The following FYCO1 variants were observed in gnomAD, a reference collection of about 807,000 sequenced individuals.
The protein encoded by FYCO1 is FYVE and coiled-coil domain autophagy adaptor 1.
Under a neutral mutation model 165.1 loss-of-function variants are expected in FYCO1, and 122 were observed. The ratio of observed to expected loss-of-function variants is 0.74; its 90% CI spans 0.64 to 0.86. The LOEUF (loss-of-function observed/expected upper bound fraction) is 0.86. Ranked by LOEUF, FYCO1 falls within the 40% of genes least tolerant of loss-of-function variation. The probability of loss-of-function intolerance (pLI) is 0.00; values close to 1 mark genes in which losing one functional copy is unlikely to be tolerated. For synonymous variants in FYCO1, 648 were observed against 742.5 expected (o/e 0.87, Z 2.07); for missense variants, 1,702 against 1,810.3 (o/e 0.94, Z 1.09).
intron 6 of FYCO1, among the ~76,000 whole-genome samples, chr3:45,972,555 G>A (rs1448014520): frequency 1.3e-5 from 2 of 152,222 alleles, no homozygotes; most frequent in Non-Finnish European, 2.9e-5. Flanking sequence ...CTCTGAGCCT[G>A]TTCCTCACAC....
rs1408087654 is a variant in FYCO1 at position 45,968,548 on chromosome 3, C to T, written c.786G>A (p.Glu262=). 6.2e-7 allele frequency: 1 copy of T among 1,614,024 alleles called. No homozygotes were observed. The change falls in exon 8 of 18, where the codon GAG becomes GAA. Residue 262 remains glutamate, a synonymous_variant. Coordinates refer to ENST00000296137, the MANE Select transcript of FYCO1 (RefSeq NM_024513.4). The stretch of plus-strand genomic sequence containing the variant: ...CTTGCTGGCTGACAGCTGCCCTCAG[C>T]TCCTGGTTCTCTCTGTCCAGCTGCT... ...RMQQLDRENQ[E]LRAAVSQQGE...
rs1231052319 is a variant in FYCO1, at chr3:45,965,071, G to A, written c.3112C>T (p.Gln1038Ter). 6.2e-7 allele frequency: 1 copy of A among 1,614,150 alleles called. No homozygotes were observed. The highest frequency in any genetic ancestry group is 8.5e-7 in the Non-Finnish European group (1 of 1,180,008). Residue 1038 changes from glutamine to a stop codon, truncating the protein, a stop_gained, in exon 9 of 18, where the codon CAG becomes TAG. Coordinates refer to ENST00000296137, the MANE Select transcript of FYCO1 (RefSeq NM_024513.4). LOFTEE classifies it high-confidence loss of function. ...ACAGCTTCCTCAGCAGCCTGCAGCT[G>A]CCGGCCTTGCTCCTCAAGCTGGCCC... is the stretch of plus-strand genomic sequence containing the variant. The part of the protein sequence containing the change: ...LRGQLEEQGR[Q>*]LQAAEEAVEK...
intron 14 of FYCO1, among the ~76,000 whole-genome samples, chr3:45,953,141 G>A (rs1323153552): frequency 6.6e-6 from 1 of 152,164 alleles, no homozygotes; most frequent in African/African-American, 2.4e-5. Context: ...ATACATGTAA[G>A]CCCGAAGTCC....
intron 5 of FYCO1, 28 bp downstream of exon 5, chr3:45,975,211 C>G: frequency 2.7e-6 from 4 of 1,491,162 alleles, no homozygotes; most frequent in South Asian, 1.1e-5. Context: ...CGGGATGATC[C>G]CAAACCCCAG....
chr3:45,945,140 C>T (rs1704503120), intron 14 of FYCO1: 1 of 152,220 alleles, frequency 6.6e-6, no homozygotes, highest in South Asian at 2.1e-4. Flanking sequence ...CCAGTCAGGA[C>T]TCAAAGTCAG....
At chr3:45,990,935 G>A (rs1177153044) in intron 1 of FYCO1, among the ~76,000 whole-genome samples, 1 of 151,996 alleles carries the variant, frequency 6.6e-6, no homozygotes, top group Non-Finnish European at 1.5e-5. Context: ...ACCACGACTG[G>A]CAATTTTTTT....
intron 11 of FYCO1, among the ~76,000 whole-genome samples, chr3:45,959,854 C>G (rs1364035844): frequency 6.6e-6 from 1 of 152,168 alleles, no homozygotes; most frequent in Non-Finnish European, 1.5e-5. Flanking sequence ...GCTGGGGGAC[C>G]ACTGGGAGTT....
chr3:45,955,189 G>C, intron 14 of FYCO1, 60 bp downstream of exon 14: 1 of 1,585,870 alleles, frequency 6.3e-7, no homozygotes, highest in Non-Finnish European at 8.6e-7. Context: ...CCTTTGATAA[G>C]AAAGCACAGG....
chr3:45,991,440 C>T (rs960555949), intron 1 of FYCO1, among the ~76,000 whole-genome samples: 8 of 152,086 alleles, frequency 5.3e-5, no homozygotes, highest in African/African-American at 1.9e-4. Context: ...AGGGATAGGC[C>T]CATCTTCTTG....
rs1369840149 is a variant in FYCO1 at position 45,921,830 on chromosome 3, T to C, written c.4372A>G (p.Lys1458Glu). 1.2e-6 allele frequency: 2 copies of C among 1,610,634 alleles called. No individual in the cohort carries two copies. Among genetic ancestry groups the C allele is most frequent in the East Asian group, 2.2e-5 (1 of 44,866 alleles). The change falls in exon 18 of 18, where the codon AAA (lysine) becomes GAA (glutamate). Residue 1458 changes from lysine to glutamate, a missense_variant. Physicochemically the swap from Lys to Glu is moderately conservative, Grantham distance 56. Transcript: ENST00000296137. The part of the protein sequence containing the change: ...FDNTFSRFVS[K>E]KVFYHLTVDR... The stretch of plus-strand genomic sequence containing the variant: ...ACCGTCAAGTGATAAAATACCTTTT[T>C]AGAGACAAACCTGAGGAAACAGAAA...
Position 45,975,333 on chromosome 3 carries a change from A to G in FYCO1, c.301T>C (p.Leu101=), listed in dbSNP as rs757382804. The change falls in exon 5 of 18, where the codon TTG becomes CTG. Residue 101 remains leucine (L), a synonymous_variant. Coordinates refer to ENST00000296137, the MANE Select transcript of FYCO1 (RefSeq NM_024513.4). ...VKSISELRTS[L]GKGRAFIRYS... ...CGAATAAATGCTCTTCCTTTCCCCA[A>G]GGATGTTCGGAGCTGGAAAAAGCAG... 5.0e-6 allele frequency: 8 copies of G among 1,613,928 alleles called. No individual in the cohort carries two copies. Among genetic ancestry groups the G allele is most frequent in the African/African-American group, 1.3e-5 (1 of 75,036 alleles).
Position 45,919,297 on chromosome 3 carries a change from T to C in FYCO1, c.*2468A>G, listed in dbSNP as rs972929668. On this transcript the variant is annotated 3_prime_UTR_variant, in exon 18 of 18. Transcript: ENST00000296137. The stretch of plus-strand genomic sequence containing the variant: ...CCACTCTTAAATATGCCAAGATGTT[T>C]TGTAGCTGCAGAGAGCACAGCAAAC... 3 of 152,228 alleles carry C rather than the reference T, an allele frequency of 2.0e-5. No individual in the cohort carries two copies. The highest frequency in any genetic ancestry group is 7.2e-5 in the African/African-American group (3 of 41,444). The allele number at this position is 152,228 out of a possible 1,614,324, so 9.4% of individuals were successfully genotyped here.
At chr3:45,938,016 A>G (rs546192623) in intron 14 of FYCO1, among the ~76,000 whole-genome samples, 11 of 152,346 alleles carry the variant, frequency 7.2e-5, no homozygotes, top group Non-Finnish European at 1.3e-4. Context: ...TCCTTGTCCA[A>G]GGCGTAAATA....
intron 4 of FYCO1, among the ~76,000 whole-genome samples, chr3:45,979,494 G>A (rs1442933092): frequency 6.6e-6 from 1 of 152,210 alleles, no homozygotes; most frequent in Non-Finnish European, 1.5e-5. Context: ...TCAGGACTCA[G>A]CATTCTTCCC....
chr3:45,943,225 C>T (rs1234063326), intron 14 of FYCO1, among the ~76,000 whole-genome samples: 1 of 152,164 alleles, frequency 6.6e-6, no homozygotes, highest in Non-Finnish European at 1.5e-5. Flanking sequence ...CAGAGCCAAA[C>T]CTCCTTATTG....
intron 16 of FYCO1, among the ~76,000 whole-genome samples, chr3:45,925,366 G>A (rs778889032): frequency 1.3e-5 from 2 of 152,082 alleles, no homozygotes; most frequent in African/African-American, 2.4e-5. Flanking sequence ...AACGGAAGCA[G>A]CATCTTAGCA....
Position 45,965,216 on chromosome 3 carries a change from C to T in FYCO1, c.3058-91G>A. On this transcript the variant is annotated intron_variant, in intron 8 of 17. Transcript: ENST00000296137. ...CCTCACCCAAACAGATAAAACCAAGCTAACTTTCTCTTTTTCCCTGCAAAC... is the reference window on the plus strand; with the variant it reads ...CCTCACCCAAACAGATAAAACCAAGTTAACTTTCTCTTTTTCCCTGCAAAC... The T allele has an allele frequency of 5.2e-6, 5 of 960,952 alleles. No homozygotes were observed. In the South Asian group the frequency reaches 6.8e-5, roughly 13 times the overall value. The allele number at this position is 960,952 out of a possible 1,614,324, so 59.5% of individuals were successfully genotyped here. A position where few individuals can be genotyped will look rare whatever the true frequency, so the allele number is the denominator to read the frequency against.
At chr3:45,956,176 A>G (rs1705304741) in intron 13 of FYCO1, among the ~76,000 whole-genome samples, 1 of 152,004 alleles carries the variant, frequency 6.6e-6, no homozygotes, top group South Asian at 2.1e-4. Context: ...TGTCTAATAA[A>G]AATATAAAAA....
chr3:45,984,750 G>A (rs920917898), intron 2 of FYCO1, 106 bp downstream of exon 2: 23 of 1,152,138 alleles, frequency 2.0e-5, no homozygotes, highest in South Asian at 6.2e-5. Context: ...CCAATTACTC[G>A]TTGTGTGAAC....
Sources: gnomAD v4.1 joint callset for allele counts (sites outside exome capture counted in the v4.1 genomes callset) on GRCh38, gnomAD v4.1.1 for gene constraint, MANE v1.5 for transcripts, NCBI Gene and HGNC (gene_info 2026-07-23, HGNC 2026-07-21) for gene names.